IL1RAPL1: variants seen among roughly 807,000 people sequenced by gnomAD.
IL1RAPL1 encodes interleukin-1 receptor accessory protein-like 1.
Under a neutral mutation model 48.4 loss-of-function variants are expected in IL1RAPL1, and 3 were observed. The ratio of observed to expected loss-of-function variants is 0.06; its 90% CI spans 0.03 to 0.16. IL1RAPL1 has a LOEUF of 0.16. Among genes scored for constraint, IL1RAPL1 ranks in the 10% least tolerant of loss-of-function variants. The pLI is 1.00. For missense variants in IL1RAPL1, 349 were observed against 530.6 expected (o/e 0.66, Z 3.36); for synonymous variants, 185 against 187.7 (o/e 0.99, Z 0.12).
chrX:29,732,900 T>A (rs1027572090), intron 6 of IL1RAPL1, among the ~76,000 whole-genome samples: 2 of 111,909 alleles, frequency 1.8e-5, no homozygotes, highest in African/African-American at 6.5e-5. Flanking sequence ...AGTATGAATT[T>A]TCCCAAATAC....
At chrX:29,902,027 T>G (rs187911081) in intron 6 of IL1RAPL1, among the ~76,000 whole-genome samples, 2 of 112,293 alleles carry the variant, frequency 1.8e-5, no homozygotes, top group East Asian at 5.6e-4. Context: ...GAGGTACTTC[T>G]TCCATCCACT....
intron 2 of IL1RAPL1, among the ~76,000 whole-genome samples, chrX:29,043,767 A>G (rs1209137109): frequency 2.7e-5 from 3 of 111,562 alleles, no homozygotes; most frequent in Admixed American, 9.6e-5. Context: ...AAGATACCCA[A>G]TGGGACCATA....
At chrX:29,079,490 T>A (rs1453699192) in intron 2 of IL1RAPL1, among the ~76,000 whole-genome samples, 1 of 110,076 alleles carries the variant, frequency 9.1e-6, no homozygotes, top group Non-Finnish European at 1.9e-5. Flanking sequence ...TTCTAGGTGT[T>A]ATAATAGAAA....
At chrX:29,584,905 C>A (rs184238955) in intron 5 of IL1RAPL1, among the ~76,000 whole-genome samples, 1 of 112,193 alleles carries the variant, frequency 8.9e-6, no homozygotes, top group African/African-American at 3.2e-5. Flanking sequence ...TCAATCTGTT[C>A]TCTGTGAAAC....
intron 3 of IL1RAPL1, among the ~76,000 whole-genome samples, chrX:29,376,247 G>T (rs1019628822): frequency 9.0e-6 from 1 of 111,694 alleles, no homozygotes; most frequent in African/African-American, 3.2e-5. Context: ...CTGCATTCCA[G>T]AGATTTTGAT....
chrX:28,839,277 C>T (rs1921303424), intron 2 of IL1RAPL1, among the ~76,000 whole-genome samples: 1 of 110,776 alleles, frequency 9.0e-6, no homozygotes, highest in Admixed American at 9.7e-5. Flanking sequence ...GATGCTAGAA[C>T]CTATACCAAA....
intron 1 of IL1RAPL1, among the ~76,000 whole-genome samples, chrX:28,595,542 C>T (rs922236826): frequency 1.8e-5 from 2 of 111,663 alleles, no homozygotes; most frequent in African/African-American, 6.5e-5. Flanking sequence ...CCGCAGTGCC[C>T]TCTAGAGTTA....
intron 2 of IL1RAPL1, among the ~76,000 whole-genome samples, chrX:28,898,303 T>C (rs1013283800): frequency 8.9e-6 from 1 of 112,220 alleles, no homozygotes; most frequent in African/African-American, 3.2e-5. Flanking sequence ...TTTTTGTCTT[T>C]TTTGTTTTAA....
intron 2 of IL1RAPL1, among the ~76,000 whole-genome samples, chrX:28,928,285 C>T (rs984843503): frequency 8.9e-6 from 1 of 111,749 alleles, no homozygotes. Flanking sequence ...TTATCTCAAC[C>T]CTTATTACTT....
chrX:29,803,541 A>G (rs767410624), intron 6 of IL1RAPL1, among the ~76,000 whole-genome samples: 24 of 99,702 alleles, frequency 2.4e-4, no homozygotes, highest in African/African-American at 7.6e-4. Flanking sequence ...GTATACATAT[A>G]TGTATATGTG....
intron 2 of IL1RAPL1, among the ~76,000 whole-genome samples, chrX:28,899,254 C>A (rs1430573764): frequency 9.0e-6 from 1 of 111,445 alleles, no homozygotes; most frequent in African/African-American, 3.3e-5. Context: ...TCTCTCCTTT[C>A]ACATGTGGGG....
At chrX:29,446,816 A>T (rs1425255917) in intron 5 of IL1RAPL1, among the ~76,000 whole-genome samples, 1 of 111,592 alleles carries the variant, frequency 9.0e-6, no homozygotes, top group Non-Finnish European at 1.9e-5. Context: ...GCCTTAGAAC[A>T]TTTAAACCAG....
intron 2 of IL1RAPL1, among the ~76,000 whole-genome samples, chrX:28,984,281 G>T (rs1925412389): frequency 9.0e-6 from 1 of 111,048 alleles, no homozygotes; most frequent in African/African-American, 3.3e-5. Context: ...GGGGCTATTT[G>T]TCTGCAATAT....
At chrX:29,627,870 C>G (rs895104720) in intron 5 of IL1RAPL1, among the ~76,000 whole-genome samples, 3 of 112,247 alleles carry the variant, frequency 2.7e-5, no homozygotes, top group Non-Finnish European at 3.8e-5. Flanking sequence ...GCCACCAATG[C>G]TACTGTAACA....
At chrX:28,622,339 T>A (rs939263543) in intron 1 of IL1RAPL1, among the ~76,000 whole-genome samples, 16 of 111,791 alleles carry the variant, frequency 1.4e-4, no homozygotes, top group African/African-American at 5.2e-4. Flanking sequence ...ATTCAAACAT[T>A]ACCAAATTGC....
At chrX:28,745,828 C>T (rs1307104174) in intron 1 of IL1RAPL1, among the ~76,000 whole-genome samples, 1 of 111,569 alleles carries the variant, frequency 9.0e-6, no homozygotes, top group Non-Finnish European at 1.9e-5. Flanking sequence ...ATACTGATTA[C>T]ACAAAACTAA....
intron 2 of IL1RAPL1, among the ~76,000 whole-genome samples, chrX:29,109,734 T>C (rs1021995723): frequency 2.7e-5 from 3 of 111,887 alleles, no homozygotes; most frequent in African/African-American, 9.7e-5. Flanking sequence ...AGTTCAATGA[T>C]ATTCTTTTAG....
chrX:28,796,964 T>C (rs376951669), intron 2 of IL1RAPL1, among the ~76,000 whole-genome samples: 11 of 112,166 alleles, frequency 9.8e-5, no homozygotes, highest in African/African-American at 3.6e-4. Flanking sequence ...TAGGTGGAGG[T>C]CACCAAACTT....
chrX:29,466,928 G>C (rs917945989), intron 5 of IL1RAPL1, among the ~76,000 whole-genome samples: 1 of 111,059 alleles, frequency 9.0e-6, no homozygotes, highest in Non-Finnish European at 1.9e-5. Flanking sequence ...AACTGCCTCA[G>C]CATTACCTGG....
Sources: allele counts gnomAD v4.1 joint callset (sites outside exome capture counted in the v4.1 genomes callset), GRCh38; gene constraint gnomAD v4.1.1; transcripts MANE v1.5; gene names NCBI Gene and HGNC (gene_info 2026-07-23, HGNC 2026-07-21).